The following ELAPOR2 variants were observed in gnomAD, a reference collection of about 807,000 sequenced individuals.
The protein encoded by ELAPOR2 is endosome/lysosome-associated apoptosis and autophagy regulator family member 2.
ELAPOR2 carries 89 observed loss-of-function variants against 120.7 expected under a neutral mutation model. That is an observed-to-expected ratio of 0.74 (90% CI 0.62 to 0.88). The LOEUF (loss-of-function observed/expected upper bound fraction) is 0.88, where lower values mean the gene tolerates loss of function less well. Among genes scored for constraint, ELAPOR2 ranks in the 40% least tolerant of loss-of-function variants. The probability of loss-of-function intolerance (pLI) is 0.00; values close to 1 mark genes in which losing one functional copy is unlikely to be tolerated. For missense variants in ELAPOR2, 1,134 were observed against 1,251.6 expected (o/e 0.91, Z 1.42); for synonymous variants, 444 against 444.9 (o/e 1.00, Z 0.03).
chr7:86,912,612 G>T (rs1481480515), intron 14 of ELAPOR2, among the ~76,000 whole-genome samples: 1 of 152,154 alleles, frequency 6.6e-6, no homozygotes, highest in African/African-American at 2.4e-5. Flanking sequence ...AACACTAGCT[G>T]TTCCCAGATG....
At chr7:87,008,108 A>C (rs1195845961) in intron 1 of ELAPOR2, among the ~76,000 whole-genome samples, 2 of 152,214 alleles carry the variant, frequency 1.3e-5, no homozygotes, top group Non-Finnish European at 2.9e-5. Flanking sequence ...ACCAAATGAT[A>C]AAAAATTACC....
At chr7:86,932,119 G>A (rs1790355845) in intron 8 of ELAPOR2, among the ~76,000 whole-genome samples, 2 of 151,816 alleles carry the variant, frequency 1.3e-5, no homozygotes, top group Non-Finnish European at 2.9e-5. Flanking sequence ...AGTCTTTTCC[G>A]AAGCTTCAGT....
chr7:86,948,272 A>G (rs1791086417), intron 2 of ELAPOR2, among the ~76,000 whole-genome samples: 1 of 152,182 alleles, frequency 6.6e-6, no homozygotes, highest in African/African-American at 2.4e-5. Context: ...CACTCACTTC[A>G]TAACAGATCC....
chr7:87,023,030 G>A (rs948651631), intron 1 of ELAPOR2, among the ~76,000 whole-genome samples: 10 of 152,148 alleles, frequency 6.6e-5, no homozygotes, highest in African/African-American at 1.4e-4. Context: ...TAAGTTGCCT[G>A]TTCACTCTGA....
chr7:86,893,825 T>C (rs1788307005), intron 19 of ELAPOR2, among the ~76,000 whole-genome samples: 1 of 152,096 alleles, frequency 6.6e-6, no homozygotes, highest in Non-Finnish European at 1.5e-5. Flanking sequence ...ATACTGGGTC[T>C]CAACCAGGAA....
intron 21 of ELAPOR2, among the ~76,000 whole-genome samples, chr7:86,885,832 A>G (rs899954273): frequency 7.9e-5 from 12 of 152,160 alleles, no homozygotes; most frequent in African/African-American, 2.9e-4. Flanking sequence ...ACATCTGAAT[A>G]TACAGTAGAA....
At chr7:86,973,764 A>G (rs1284682447) in intron 1 of ELAPOR2, among the ~76,000 whole-genome samples, 1 of 152,164 alleles carries the variant, frequency 6.6e-6, no homozygotes, top group Non-Finnish European at 1.5e-5. Context: ...GTGGGGCATG[A>G]CATCCAGGTG....
chr7:87,048,527 A>AC (rs749752336), intron 1 of ELAPOR2, among the ~76,000 whole-genome samples: 3 of 152,210 alleles, frequency 2.0e-5, no homozygotes, highest in Non-Finnish European at 4.4e-5. Flanking sequence ...ATTAATTGGT[A>AC]CAAAAAAATA....
intron 8 of ELAPOR2, among the ~76,000 whole-genome samples, chr7:86,935,769 A>T (rs923418392): frequency 2.6e-5 from 4 of 152,150 alleles, no homozygotes; most frequent in African/African-American, 9.6e-5. Context: ...CTCCTTACCC[A>T]GTATTCTGTA....
chr7:86,976,440 A>G (rs1792286701), intron 1 of ELAPOR2, among the ~76,000 whole-genome samples: 1 of 152,206 alleles, frequency 6.6e-6, no homozygotes, highest in Admixed American at 6.5e-5. Flanking sequence ...CTGTGCAAAT[A>G]TGGAATATAC....
At chr7:87,016,977 T>C (rs550766481) in intron 1 of ELAPOR2, among the ~76,000 whole-genome samples, 82 of 152,252 alleles carry the variant, frequency 5.4e-4, no homozygotes, top group African/African-American at 1.9e-3. Context: ...GTCTTTTAGA[T>C]TCCTATCCTA....
intron 1 of ELAPOR2, among the ~76,000 whole-genome samples, chr7:87,020,439 G>A (rs931352323): frequency 5.3e-5 from 8 of 152,072 alleles, no homozygotes; most frequent in African/African-American, 1.7e-4. Context: ...ATATTTTTCA[G>A]ACATAGGAGT....
chr7:86,993,246 A>AAAGAAG (rs1793010206), intron 1 of ELAPOR2, among the ~76,000 whole-genome samples: 1 of 143,990 alleles, frequency 6.9e-6, no homozygotes, highest in African/African-American at 2.6e-5. Flanking sequence ...AAAAAAAAAA[A>AAAGAAG]AAAAGAAAAA....
At chr7:86,917,631 T>C (rs1789626017) in intron 12 of ELAPOR2, among the ~76,000 whole-genome samples, 2 of 152,264 alleles carry the variant, frequency 1.3e-5, no homozygotes, top group African/African-American at 4.8e-5. Flanking sequence ...GATGGCTGTG[T>C]TGAAGATTAT....
At chr7:86,982,332 C>T (rs765687327) in intron 1 of ELAPOR2, among the ~76,000 whole-genome samples, 21 of 152,232 alleles carry the variant, frequency 1.4e-4, no homozygotes, top group Non-Finnish European at 2.8e-4. Context: ...GGTGTTTGAG[C>T]TCTGAGAAAA....
intron 1 of ELAPOR2, among the ~76,000 whole-genome samples, chr7:86,985,093 G>T (rs925095912): frequency 6.6e-6 from 1 of 152,088 alleles, no homozygotes; most frequent in African/African-American, 2.4e-5. Context: ...AGAAGAAATT[G>T]ATAAATCCCT....
chr7:86,922,046 AT>A (rs1013510728), intron 10 of ELAPOR2, among the ~76,000 whole-genome samples: 21 of 151,748 alleles, frequency 1.4e-4, no homozygotes, highest in Non-Finnish European at 2.2e-4. Flanking sequence ...AAAAATTAAG[AT>A]TTTTTTTTCC....
intron 1 of ELAPOR2, among the ~76,000 whole-genome samples, chr7:86,993,504 T>G (rs1793021295): frequency 6.6e-6 from 1 of 152,140 alleles, no homozygotes; most frequent in Non-Finnish European, 1.5e-5. Flanking sequence ...AGGAAGAGAA[T>G]TAGCCATCTA....
At chr7:86,929,174 C>T (rs909497422) in intron 8 of ELAPOR2, among the ~76,000 whole-genome samples, 3 of 151,846 alleles carry the variant, frequency 2.0e-5, no homozygotes, top group African/African-American at 7.3e-5. Flanking sequence ...GAGGTATCAA[C>T]TGAAAGCTGA....
Sources: allele counts gnomAD v4.1 joint callset (sites outside exome capture counted in the v4.1 genomes callset), GRCh38; gene constraint gnomAD v4.1.1; transcripts MANE v1.5; gene names NCBI Gene and HGNC (gene_info 2026-07-23, HGNC 2026-07-21).